The following BDP1 variants were observed in gnomAD, a reference collection of about 807,000 sequenced individuals.
BDP1 encodes BDP1 general transcription factor IIIB subunit, also known as transcription factor TFIIIB component B'' homolog.
Under a neutral mutation model 266.6 loss-of-function variants are expected in BDP1, and 169 were observed. The ratio of observed to expected loss-of-function variants is 0.63; its 90% CI spans 0.56 to 0.72. BDP1 has a LOEUF of 0.72. Ranked by LOEUF, BDP1 falls within the 30% of genes least tolerant of loss-of-function variation. The pLI, the probability that BDP1 is intolerant of heterozygous loss-of-function variation, is 0.00. For synonymous variants in BDP1, 1,090 were observed against 1,022.4 expected (o/e 1.07, Z -1.26); for missense variants, 3,015 against 3,053.8 (o/e 0.99, Z 0.30).
the BDP1 span, among the ~76,000 whole-genome samples, chr5:71,575,329 G>A: frequency 4.6e-5 from 7 of 152,254 alleles, no homozygotes; most frequent in South Asian, 2.1e-4. Context: ...TCTTCTCCAC[G>A]CTCTGCCTTA....
At chr5:71,462,184 A>G (rs1761619833) in intron 3 of BDP1, among the ~76,000 whole-genome samples, 1 of 151,958 alleles carries the variant, frequency 6.6e-6, no homozygotes, top group Admixed American at 6.6e-5. Flanking sequence ...CCTGGTTTTA[A>G]ACTCCTTACC....
At chr5:71,558,116 A>G (rs983301041) in intron 36 of BDP1, among the ~76,000 whole-genome samples, 2 of 152,198 alleles carry the variant, frequency 1.3e-5, no homozygotes, top group African/African-American at 2.4e-5. Flanking sequence ...ATTCACACCT[A>G]TAGCCATTGC....
chr5:71,500,296 G>T (rs1201125939), intron 13 of BDP1, among the ~76,000 whole-genome samples: 1 of 128,238 alleles, frequency 7.8e-6, no homozygotes, highest in African/African-American at 2.9e-5. Flanking sequence ...TTTTTTCTTT[G>T]AAGTGTTGTA....
Position 71,471,540 on chromosome 5 carries a change from G to A in BDP1, c.1014+1051G>A, listed in dbSNP as rs144614515. ...TTACACAGTTCTCATTTTCTGATCC[G>A]TTGCTTTCCTAGGCCCCCTTAACTT... On this transcript the variant is annotated intron_variant, in intron 7 of 38. Transcript: ENST00000358731. 6.3e-3 allele frequency among the ~76,000 whole-genome samples: 954 copies of A among 152,260 alleles called. 27 individuals carry two copies. Among genetic ancestry groups the A allele is most frequent in the Admixed American group, 0.047 (714 of 15,286 alleles).
Position 71,489,687 on chromosome 5 carries a change from G to A in BDP1, c.1492+5G>A. 1 of 1,591,458 alleles carries A rather than the reference G, an allele frequency of 6.3e-7. No homozygotes were observed. The highest frequency in any genetic ancestry group is 8.5e-7 in the Non-Finnish European group (1 of 1,173,262). ...CTAAAGGAGAAAAACACAAGAGTAA[G>A]TTTCTTACATATTTAAAAAGCCTCT... On this transcript the variant is annotated splice_donor_5th_base_variant and intron_variant, in intron 10 of 38. Coordinates refer to ENST00000358731, the MANE Select transcript of BDP1 (RefSeq NM_018429.3).
chr5:71,511,054 A>G lies in BDP1; in HGVS notation c.3962A>G (p.Asn1321Ser). 6.2e-7 allele frequency: 1 copy of G among 1,614,190 alleles called. No individual in the cohort carries two copies. Among genetic ancestry groups the G allele is most frequent in the Middle Eastern group, 1.6e-4 (1 of 6,062 alleles). The change falls in exon 17 of 39, where the codon AAC (asparagine) becomes AGC (serine). Residue 1321 changes from asparagine (N) to serine (S), a missense_variant. By Grantham distance (46) the Asn-to-Ser change is conservative (BLOSUM62 1). Around this residue, in one of 3 missense-constraint regions of BDP1, gnomAD observed 2,383 missense variants for 2,404.9 expected, o/e 0.99. Coordinates refer to ENST00000358731, the MANE Select transcript of BDP1 (RefSeq NM_018429.3). The part of the protein sequence containing the change: ...TGKTDISPRE[N>S]ELEETSTSRQ... ...AAAACAGACATTTCTCCAAGGGAAA[A>G]CGAGCTAGAGGAGACCAGTACCTCA...
rs369333012 is a variant in BDP1 at position 71,513,426 on chromosome 5, G to T, written c.4470+19G>T. The T allele has an allele frequency of 2.1e-6, 3 of 1,428,880 alleles. No individual in the cohort carries two copies. Among genetic ancestry groups the T allele is most frequent in the Non-Finnish European group, 2.8e-6 (3 of 1,053,970 alleles). The allele number at this position is 1,428,880 out of a possible 1,614,324, so 88.5% of individuals were successfully genotyped here. ...TCAACATGTGAGTGTATTTGAGATG[G>T]AAGTTCTGTGTGGGTGTTTTTTTTT... is the stretch of plus-strand genomic sequence containing the variant. On this transcript the variant is annotated intron_variant, in intron 19 of 38. Transcript: ENST00000358731.
intron 7 of BDP1, among the ~76,000 whole-genome samples, chr5:71,479,779 C>T (rs981648876): frequency 1.3e-5 from 2 of 152,106 alleles, no homozygotes; most frequent in African/African-American, 4.8e-5. Context: ...ATCTCCTGAC[C>T]TCGTGATCTG....
intron 12 of BDP1, among the ~76,000 whole-genome samples, chr5:71,496,782 C>T (rs1763923566): frequency 6.6e-6 from 1 of 152,132 alleles, no homozygotes. Context: ...GGGGTTTCAC[C>T]ATGTTTGCCA....
In BDP1 at chr5:71,495,401, A is replaced by T; in HGVS notation, c.1792A>T (p.Asn598Tyr). ...IEERNVDLKN[N>Y]SLEIDQTENV... ...AGAAAGAAATGTTGACCTAAAAAAT[A>T]ATTCACTGTAAGTATTTTATACGAT... The change falls in exon 12 of 39, where the codon AAT becomes TAT. Residue 598 changes from asparagine (N) to tyrosine (Y), a missense_variant. By Grantham distance (143) the Asn-to-Tyr change is moderately radical. This residue lies in a region of BDP1 where 2,383 missense variants were observed against 2,404.9 expected (regional missense o/e 0.99). Transcript: ENST00000358731. The T allele has an allele frequency of 6.4e-7, 1 of 1,571,376 alleles. No individual in the cohort carries two copies. The highest frequency in any genetic ancestry group is 8.7e-7 in the Non-Finnish European group (1 of 1,155,812).
chr5:71,458,293 T>TG (rs1172346253), intron 1 of BDP1, among the ~76,000 whole-genome samples: 11 of 152,242 alleles, frequency 7.2e-5, no homozygotes, highest in African/African-American at 2.6e-4. Flanking sequence ...TTCTGTAAGT[T>TG]GGTTATTTGT....
At chr5:71,525,983 C>T (rs1225081670) in intron 25 of BDP1, among the ~76,000 whole-genome samples, 1 of 151,714 alleles carries the variant, frequency 6.6e-6, no homozygotes, top group East Asian at 2.0e-4. Context: ...AGGCTCCTCA[C>T]ATCCCAGACG....
Position 71,516,418 on chromosome 5 carries a change from C to T in BDP1, c.4860+147C>T, listed in dbSNP as rs79886845. ...CCAGTTTTGTTTCAGATTTGCTCTT[C>T]TGGATTTTTTTTTTAAGTGAAAATA... On this transcript the variant is annotated intron_variant, in intron 21 of 38. Coordinates refer to ENST00000358731, the MANE Select transcript of BDP1 (RefSeq NM_018429.3). 983 of 594,630 alleles carry T rather than the reference C, an allele frequency of 1.7e-3. 14 individuals are homozygous for T. The East Asian group carries it at 0.025, about 15-fold the overall frequency. 36.8% of individuals were successfully genotyped at this position (594,630 alleles called of 1,614,324 possible).
chr5:71,546,581 G>T (rs1027830709), intron 32 of BDP1, among the ~76,000 whole-genome samples: 13 of 113,348 alleles, frequency 1.1e-4, no homozygotes, highest in African/African-American at 4.1e-4. Flanking sequence ...TCGTGCCATT[G>T]TACTCCAGCC....
intron 6 of BDP1, among the ~76,000 whole-genome samples, chr5:71,469,299 C>T (rs1047080940): frequency 5.3e-5 from 8 of 151,928 alleles, no homozygotes; most frequent in African/African-American, 1.9e-4. Context: ...TCACCATGCC[C>T]AGCTAATTTT....
chr5:71,523,081 G>T (rs1765591630), intron 24 of BDP1, 132 bp downstream of exon 24: 1 of 606,648 alleles, frequency 1.6e-6, no homozygotes, highest in Non-Finnish European at 2.8e-6. Context: ...GACCAAAGAG[G>T]AGTATGTATG....
intron 25 of BDP1, among the ~76,000 whole-genome samples, chr5:71,528,364 T>G (rs545504324): frequency 6.6e-6 from 1 of 152,350 alleles, no homozygotes; most frequent in South Asian, 2.1e-4. Context: ...ATTCCAACTT[T>G]GTAACTTCAA....
At chr5:71,483,760 T>A in intron 7 of BDP1, 82 bp from the exon 8 acceptor site, 2 of 1,009,224 alleles carry the variant, frequency 2.0e-6, no homozygotes, top group Non-Finnish European at 1.5e-6. Context: ...TCCTAAGAGT[T>A]TCATTTTAAT....
At position 71,466,087 on chromosome 5, in the gene BDP1, A is replaced by T. The variant is rs774955001; in HGVS notation, c.660-9A>T. On this transcript the variant is annotated splice_polypyrimidine_tract_variant and intron_variant, in intron 4 of 38. Coordinates refer to ENST00000358731, the MANE Select transcript of BDP1 (RefSeq NM_018429.3). ...CCTTTGTGAATTAACTTATCTTTAT[A>T]TGTGGTAGGCAAGAAGGTAAGAGTA... The T allele has an allele frequency of 3.1e-6, 5 of 1,611,642 alleles. No homozygotes were observed. Among genetic ancestry groups the T allele is most frequent in the Non-Finnish European group, 4.2e-6 (5 of 1,179,042 alleles).
Sources: gnomAD v4.1 joint callset for allele counts (sites outside exome capture counted in the v4.1 genomes callset) on GRCh38, gnomAD v4.1.1 for gene constraint, gnomAD v4.1.1 regional missense constraint, MANE v1.5 for transcripts, NCBI Gene and HGNC (gene_info 2026-07-23, HGNC 2026-07-21) for gene names.